RGS6: variants seen among roughly 807,000 people sequenced by gnomAD.
RGS6 encodes the protein regulator of G protein signaling 6.
RGS6 carries 30 observed loss-of-function variants against 78.5 expected under a neutral mutation model. That is an observed-to-expected ratio of 0.38 (90% CI 0.29 to 0.52). RGS6 has a LOEUF of 0.52. Ranked by LOEUF, RGS6 falls within the 20% of genes least tolerant of loss-of-function variation. RGS6 has a pLI of 0.85. For synonymous variants in RGS6, 206 were observed against 206.0 expected, an observed-to-expected ratio of 1.00 and a Z score of 0.00; for missense variants, 495 against 609.7, an observed-to-expected ratio of 0.81 and a Z score of 1.98.
the RGS6 span, among the ~76,000 whole-genome samples, chr14:71,868,660 C>T: frequency 1.4e-3 from 214 of 152,248 alleles, 1 homozygote; most frequent in Admixed American, 2.3e-3. Context: ...GTGAACCACT[C>T]GATTTCTCTC....
chr14:71,957,917 C>G (rs374020762), intron 1 of RGS6, among the ~76,000 whole-genome samples: 1 of 152,006 alleles, frequency 6.6e-6, no homozygotes. Context: ...AGGCAACGCA[C>G]CACCATGCCT....
At chr14:72,272,771 G>A (rs1483551517) in intron 2 of RGS6, among the ~76,000 whole-genome samples, 2 of 152,190 alleles carry the variant, frequency 1.3e-5, no homozygotes, top group African/African-American at 4.8e-5. Flanking sequence ...TGAATTAGAT[G>A]AATTAGAGAT....
intron 14 of RGS6, chr14:72,514,158 C>T (rs557481521): frequency 7.2e-5 from 11 of 152,296 alleles, no homozygotes; most frequent in South Asian, 6.2e-4. Context: ...TGGTTACTAA[C>T]GTAGGCACCC....
At chr14:72,559,500 C>A (rs1244840795) in intron 17 of RGS6, among the ~76,000 whole-genome samples, 1 of 152,232 alleles carries the variant, frequency 6.6e-6, no homozygotes, top group East Asian at 1.9e-4. Flanking sequence ...TAGATTGCAG[C>A]TGGGCTGAGC....
intron 2 of RGS6, among the ~76,000 whole-genome samples, chr14:72,068,393 C>G (rs984303769): frequency 8.6e-5 from 13 of 152,046 alleles, no homozygotes; most frequent in African/African-American, 2.2e-4. Flanking sequence ...CCTCAGCCCC[C>G]CAAAGTGCTG....
At chr14:72,441,140 G>C (rs1483396395) in intron 3 of RGS6, among the ~76,000 whole-genome samples, 3 of 152,128 alleles carry the variant, frequency 2.0e-5, no homozygotes, top group African/African-American at 7.2e-5. Flanking sequence ...CTGATATTGA[G>C]GGGTAGGGAT....
At chr14:72,624,110 C>A in the RGS6 span, among the ~76,000 whole-genome samples, 1 of 151,976 alleles carries the variant, frequency 6.6e-6, no homozygotes, top group Non-Finnish European at 1.5e-5. Context: ...TCAGAAGATG[C>A]TAGAGAAACA....
At chr14:72,510,670 G>A (rs1310538009) in intron 14 of RGS6, among the ~76,000 whole-genome samples, 1 of 152,240 alleles carries the variant, frequency 6.6e-6, no homozygotes, top group African/African-American at 2.4e-5. Context: ...CTGAATATCT[G>A]AGAAGCTAAA....
At chr14:72,192,482 C>G (rs2097338729) in intron 2 of RGS6, among the ~76,000 whole-genome samples, 1 of 152,194 alleles carries the variant, frequency 6.6e-6, no homozygotes, top group Non-Finnish European at 1.5e-5. Context: ...TCATCCTGTT[C>G]TAGGCCCCAA....
intron 16 of RGS6, among the ~76,000 whole-genome samples, chr14:72,536,891 T>C (rs1038420842): frequency 2.6e-5 from 4 of 152,066 alleles, no homozygotes; most frequent in Non-Finnish European, 5.9e-5. Flanking sequence ...TCCTCCTCCT[T>C]AGAACTCAGC....
chr14:71,886,681 T>C, the RGS6 span, among the ~76,000 whole-genome samples: 1 of 152,226 alleles, frequency 6.6e-6, no homozygotes, highest in Non-Finnish European at 1.5e-5. Context: ...ATATCTTTAA[T>C]TTGGTTGGTT....
chr14:72,526,319 A>C (rs991487324), intron 15 of RGS6, among the ~76,000 whole-genome samples: 1 of 151,664 alleles, frequency 6.6e-6, no homozygotes, highest in Non-Finnish European at 1.5e-5. Flanking sequence ...ATTAGCCAGG[A>C]TGGTCTCGAT....
intron 3 of RGS6, among the ~76,000 whole-genome samples, chr14:72,438,565 T>C (rs994958834): frequency 5.9e-4 from 90 of 152,206 alleles, no homozygotes; most frequent in African/African-American, 2.1e-3. Context: ...GCTAGAAACC[T>C]GGAGTCACTC....
chr14:72,353,216 A>G (rs75130883), intron 3 of RGS6, among the ~76,000 whole-genome samples: 2,917 of 152,298 alleles, frequency 0.019, 36 homozygotes, highest in Non-Finnish European at 0.032. Context: ...AGCAATGAAA[A>G]CTTGTGTTTA....
intron 16 of RGS6, among the ~76,000 whole-genome samples, chr14:72,536,758 C>T (rs56363479): frequency 2.6e-5 from 4 of 152,128 alleles, no homozygotes; most frequent in Admixed American, 6.5e-5. Flanking sequence ...TTCAAGAGCA[C>T]AATCAGGTAC....
chr14:72,591,361 C>T, the RGS6 span, among the ~76,000 whole-genome samples: 1 of 152,060 alleles, frequency 6.6e-6, no homozygotes, highest in Non-Finnish European at 1.5e-5. Flanking sequence ...CAATAATTAT[C>T]CCAGAGGTGG....
chr14:72,475,830 G>GCACACACACACACACACACACGCGCA (rs1555424340), intron 10 of RGS6, among the ~76,000 whole-genome samples: 3 of 145,702 alleles, frequency 2.1e-5, no homozygotes, highest in African/African-American at 7.7e-5. Flanking sequence ...AAAAATACAC[G>GCACACACACACACACACACACGCGCA]CACACACACA....
chr14:72,315,824 AC>A (rs569765931), intron 2 of RGS6, among the ~76,000 whole-genome samples: 119 of 152,322 alleles, frequency 7.8e-4, no homozygotes, highest in African/African-American at 2.7e-3. Context: ...ACCTTTCACC[AC>A]TTATTTACAC....
At position 72,253,402 on chromosome 14, in the gene RGS6, T is replaced by C. The variant is rs55700291; in HGVS notation, c.85-98693T>C. On this transcript the variant is annotated intron_variant, in intron 2 of 17. Coordinates refer to ENST00000553525, the MANE Select transcript of RGS6 (RefSeq NM_001204424.2). Reference sequence around the variant, plus strand: ...ATAACTTAGTGAAAGACAACTTATATAGTAGGCCAGAGACCTGCCAACTTT... The same window carrying C: ...ATAACTTAGTGAAAGACAACTTATACAGTAGGCCAGAGACCTGCCAACTTT... 8.9e-3 allele frequency among the ~76,000 whole-genome samples: 1,359 copies of C among 152,332 alleles called. 25 individuals are homozygous for C. The highest frequency in any genetic ancestry group is 0.031 in the African/African-American group (1,279 of 41,576).
Sources: allele counts gnomAD v4.1 joint callset (sites outside exome capture counted in the v4.1 genomes callset), GRCh38; gene constraint gnomAD v4.1.1; transcripts MANE v1.5; gene names NCBI Gene and HGNC (gene_info 2026-07-23, HGNC 2026-07-21).